CYP19A1: variants seen among roughly 807,000 people sequenced by gnomAD.
CYP19A1 encodes cytochrome P450 family 19 subfamily A member 1, also known as aromatase.
In CYP19A1, 32 loss-of-function variants were observed where a neutral mutation model predicts 44.4. The observed-to-expected ratio is 0.72, with a 90% CI of 0.54 to 0.97. The LOEUF is 0.97. Among genes scored for constraint, CYP19A1 ranks in the 50% least tolerant of loss-of-function variants. CYP19A1 has a pLI of 0.00. For missense variants in CYP19A1, 598 were observed against 637.8 expected (o/e 0.94, Z 0.67); for synonymous variants, 212 against 215.6 (o/e 0.98, Z 0.14).
chr15:51,237,794 C>G (rs530811759), intron 2 of CYP19A1, among the ~76,000 whole-genome samples: 15 of 152,282 alleles, frequency 9.9e-5, no homozygotes, highest in African/African-American at 3.6e-4. Context: ...GAATTTGGTG[C>G]TGCTTATATC....
chr15:51,273,518 C>T (rs547483235), intron 1 of CYP19A1, among the ~76,000 whole-genome samples: 4 of 152,106 alleles, frequency 2.6e-5, no homozygotes, highest in Non-Finnish European at 5.9e-5. Flanking sequence ...CTCTCACCCT[C>T]TTCTTAGGAA....
chr15:51,283,446 T>A (rs868753430), intron 1 of CYP19A1, among the ~76,000 whole-genome samples: 2 of 152,176 alleles, frequency 1.3e-5, no homozygotes, highest in African/African-American at 4.8e-5. Context: ...CCCATTACTA[T>A]AATCCAGCAA....
At chr15:51,229,768 T>C (rs971399812) in intron 3 of CYP19A1, among the ~76,000 whole-genome samples, 2 of 152,352 alleles carry the variant, frequency 1.3e-5, no homozygotes, top group East Asian at 3.9e-4. Context: ...AATTTATATA[T>C]TCTTTATTCA....
chr15:51,242,731 T>C (rs764862158), intron 2 of CYP19A1, 37 bp downstream of exon 2: 3 of 1,368,234 alleles, frequency 2.2e-6, no homozygotes, highest in Admixed American at 3.4e-5. Flanking sequence ...CCCAAGTAAA[T>C]AATCTCCTTA....
At chr15:51,272,180 A>C (rs1248319022) in intron 1 of CYP19A1, among the ~76,000 whole-genome samples, 21 of 152,046 alleles carry the variant, frequency 1.4e-4, no homozygotes, top group Admixed American at 1.4e-3. Context: ...TTCAGTTTTA[A>C]CCTCAGCCAT....
intron 1 of CYP19A1, among the ~76,000 whole-genome samples, chr15:51,268,577 C>T (rs758481744): frequency 6.9e-6 from 1 of 144,266 alleles, no homozygotes; most frequent in African/African-American, 2.5e-5. Flanking sequence ...TGTCAGTGCA[C>T]AAGTCTTTGT....
In CYP19A1 at chr15:51,216,293, C is replaced by G. The variant is rs1031402858; in HGVS notation, c.744-476G>C. ...CTGAGACAAAGTCTCAATCTGTCACCCAGGCTGGAGTGCAGTGGCATGATC... is the reference window on the plus strand; with the variant it reads ...CTGAGACAAAGTCTCAATCTGTCACGCAGGCTGGAGTGCAGTGGCATGATC... On this transcript the variant is annotated intron_variant, in intron 6 of 9. Coordinates refer to ENST00000396402, the MANE Select transcript of CYP19A1 (RefSeq NM_000103.4). 2.6e-5 allele frequency among the ~76,000 whole-genome samples: 4 copies of G among 152,124 alleles called. 1 individual carries two copies. The highest frequency in any genetic ancestry group is 4.8e-5 in the African/African-American group (2 of 41,420).
At chr15:51,286,827 T>C (rs1433426153) in intron 1 of CYP19A1, among the ~76,000 whole-genome samples, 1 of 152,166 alleles carries the variant, frequency 6.6e-6, no homozygotes, top group Non-Finnish European at 1.5e-5. Flanking sequence ...GGAGGATACA[T>C]TGGCTGAAGT....
intron 1 of CYP19A1, among the ~76,000 whole-genome samples, chr15:51,299,172 T>G (rs1234333358): frequency 6.6e-6 from 1 of 152,238 alleles, no homozygotes; most frequent in East Asian, 1.9e-4. Flanking sequence ...CTACTGGGCT[T>G]CTTGCCACCA....
At chr15:51,245,521 G>T (rs1035934208) in intron 1 of CYP19A1, among the ~76,000 whole-genome samples, 27 of 152,046 alleles carry the variant, frequency 1.8e-4, no homozygotes, top group African/African-American at 6.5e-4. Context: ...ATTGACAAAT[G>T]GGATCTAATT....
intron 2 of CYP19A1, among the ~76,000 whole-genome samples, chr15:51,237,498 T>G (rs1053650867): frequency 1.3e-5 from 2 of 151,998 alleles, no homozygotes; most frequent in African/African-American, 4.8e-5. Context: ...GTAGGAAATC[T>G]TTCAACTGAA....
chr15:51,267,205 G>C (rs2140945578), intron 1 of CYP19A1, among the ~76,000 whole-genome samples: 1 of 152,280 alleles, frequency 6.6e-6, no homozygotes, highest in Non-Finnish European at 1.5e-5. Flanking sequence ...TCCTCGTATT[G>C]TGTCCCATTC....
rs770985699 is a variant in CYP19A1, at chr15:51,215,702, C to T, written c.858+1G>A. 2 of 1,613,964 alleles carry T rather than the reference C, an allele frequency of 1.2e-6. No individual in the cohort carries two copies. ...GAATTACAGTTAGTTCAGGTCAGTA[C>T]CTCTGCTAAAATCAACTCAGTGGCA... On this transcript the variant is annotated splice_donor_variant, in intron 7 of 9. Coordinates refer to ENST00000396402, the MANE Select transcript of CYP19A1 (RefSeq NM_000103.4). LOFTEE classifies it high-confidence loss of function.
At chr15:51,281,001 G>T (rs995540295) in intron 1 of CYP19A1, among the ~76,000 whole-genome samples, 4 of 152,136 alleles carry the variant, frequency 2.6e-5, no homozygotes, top group Admixed American at 6.5e-5. Flanking sequence ...AGGCCCAGGC[G>T]CCCGTTACTG....
intron 1 of CYP19A1, chr15:51,312,304 G>A (rs1325072800): frequency 1.3e-5 from 2 of 152,186 alleles, no homozygotes; most frequent in African/African-American, 4.8e-5. Flanking sequence ...CTCTGAGTTT[G>A]GCGTCCAGTC....
At chr15:51,266,026 G>C (rs1179079193) in intron 1 of CYP19A1, among the ~76,000 whole-genome samples, 2 of 152,162 alleles carry the variant, frequency 1.3e-5, no homozygotes, top group South Asian at 2.1e-4. Flanking sequence ...GAAATGGCTG[G>C]CTTCCTTTGC....
chr15:51,277,875 AAGTT>A (rs1188065979), intron 1 of CYP19A1: 4 of 152,042 alleles, frequency 2.6e-5, no homozygotes, highest in African/African-American at 9.7e-5. Context: ...CTATTATTAA[AAGTT>A]AGTCAAGACC....
At chr15:51,283,676 G>A (rs917969056) in intron 1 of CYP19A1, among the ~76,000 whole-genome samples, 1 of 152,166 alleles carries the variant, frequency 6.6e-6, no homozygotes, top group East Asian at 1.9e-4. Flanking sequence ...AACTACTACC[G>A]TCAATCAACA....
chr15:51,216,285 T>A (rs560008544), intron 6 of CYP19A1, among the ~76,000 whole-genome samples: 50 of 152,306 alleles, frequency 3.3e-4, no homozygotes, highest in African/African-American at 1.2e-3. Context: ...AAAGTCTCAA[T>A]CTGTCACCCA....
Sources: allele counts gnomAD v4.1 joint callset (sites outside exome capture counted in the v4.1 genomes callset), GRCh38; gene constraint gnomAD v4.1.1; transcripts MANE v1.5; gene names NCBI Gene and HGNC (gene_info 2026-07-23, HGNC 2026-07-21).